Variants in RSRC1 observed in about 807,000 individuals in gnomAD.
RSRC1 encodes arginine and serine rich coiled-coil 1.
A neutral mutation model predicts 49.1 loss-of-function variants in RSRC1; 39 were observed. The observed-to-expected ratio is 0.79, with a 90% CI of 0.61 to 1.04. The LOEUF is 1.04. RSRC1 is among the 50% of genes least tolerant of loss of function. RSRC1 has a pLI of 0.00. For synonymous variants in RSRC1, 143 were observed against 130.8 expected (o/e 1.09, Z -0.63); for missense variants, 388 against 402.4 (o/e 0.96, Z 0.31).
intron 4 of RSRC1, among the ~76,000 whole-genome samples, chr3:158,293,706 CTT>C (rs1727076479): frequency 6.6e-6 from 1 of 151,954 alleles, no homozygotes; most frequent in Non-Finnish European, 1.5e-5. Context: ...TAAATGATGT[CTT>C]TGTGTGGTGA....
chr3:158,525,947 A>G lies in RSRC1; in HGVS notation c.653-11145A>G, dbSNP rs113481199. On this transcript the variant is annotated intron_variant, in intron 7 of 9. Coordinates refer to ENST00000611884, the MANE Select transcript of RSRC1 (RefSeq NM_001271838.2). Reference sequence around the variant, plus strand: ...CTTGGTAACAATGGACATGTTCTATATATTGATTGTTGTAGTGGTAACACA... The same window carrying G: ...CTTGGTAACAATGGACATGTTCTATGTATTGATTGTTGTAGTGGTAACACA... Among the ~76,000 whole-genome samples, 94 of 152,078 alleles carry G rather than the reference A, an allele frequency of 6.2e-4. No individual in the cohort carries two copies. The South Asian group carries it at 0.019, about 30-fold the overall frequency.
intron 3 of RSRC1, among the ~76,000 whole-genome samples, chr3:158,131,785 T>A (rs1716041485): frequency 6.6e-6 from 1 of 152,192 alleles, no homozygotes; most frequent in African/African-American, 2.4e-5. Context: ...AGGGAAGAGA[T>A]CAATTATTGT....
chr3:158,195,742 T>C (rs1350409640), intron 3 of RSRC1, among the ~76,000 whole-genome samples: 3 of 152,212 alleles, frequency 2.0e-5, no homozygotes, highest in Non-Finnish European at 4.4e-5. Context: ...CAGCACCATT[T>C]ATTAAATAGG....
intron 3 of RSRC1, among the ~76,000 whole-genome samples, chr3:158,124,271 CT>C (rs1436460987): frequency 6.6e-6 from 1 of 152,034 alleles, no homozygotes; most frequent in East Asian, 1.9e-4. Context: ...GATTGGGTTT[CT>C]TTTTTTCAGC....
chr3:158,243,805 T>G (rs901415094), intron 4 of RSRC1, among the ~76,000 whole-genome samples: 2 of 152,178 alleles, frequency 1.3e-5, no homozygotes, highest in African/African-American at 4.8e-5. Flanking sequence ...TTGTGACAAT[T>G]GTGAATGGGA....
chr3:158,233,716 C>T (rs1209947846), intron 4 of RSRC1, among the ~76,000 whole-genome samples: 1 of 151,944 alleles, frequency 6.6e-6, no homozygotes, highest in Non-Finnish European at 1.5e-5. Context: ...AAAAGACAAC[C>T]CCTGATCATT....
intron 3 of RSRC1, among the ~76,000 whole-genome samples, chr3:158,145,436 A>C (rs1717025354): frequency 6.6e-6 from 1 of 152,108 alleles, no homozygotes; most frequent in African/African-American, 2.4e-5. Context: ...AAGATCAGAT[A>C]GTTGTAGATA....
intron 3 of RSRC1, among the ~76,000 whole-genome samples, chr3:158,124,670 T>G (rs1443400231): frequency 2.0e-5 from 3 of 152,152 alleles, no homozygotes; most frequent in East Asian, 1.9e-4. Context: ...TTCTAGGAAT[T>G]TATCCACTTT....
intron 5 of RSRC1, among the ~76,000 whole-genome samples, chr3:158,309,226 G>C (rs1405897561): frequency 6.6e-6 from 1 of 151,846 alleles, no homozygotes; most frequent in Non-Finnish European, 1.5e-5. Flanking sequence ...GTAAAATGCT[G>C]TTAGCGCTCT....
intron 6 of RSRC1, among the ~76,000 whole-genome samples, chr3:158,431,121 A>C (rs1213535826): frequency 6.6e-6 from 1 of 151,928 alleles, no homozygotes; most frequent in Non-Finnish European, 1.5e-5. Context: ...CAGTTTGGGA[A>C]ATACTGGTAC....
At chr3:158,423,903 G>A (rs1454213675) in intron 6 of RSRC1, among the ~76,000 whole-genome samples, 1 of 150,908 alleles carries the variant, frequency 6.6e-6, no homozygotes, top group East Asian at 1.9e-4. Context: ...GAATGCTTGT[G>A]ATTTTTGTAC....
intron 4 of RSRC1, among the ~76,000 whole-genome samples, chr3:158,227,957 A>G (rs998998702): frequency 1.3e-5 from 2 of 152,086 alleles, no homozygotes; most frequent in African/African-American, 2.4e-5. Context: ...ACCCTGTTGT[A>G]TAGAATAGTG....
intron 7 of RSRC1, among the ~76,000 whole-genome samples, chr3:158,536,477 C>T (rs1031208287): frequency 6.6e-6 from 1 of 151,216 alleles, no homozygotes; most frequent in African/African-American, 2.4e-5. Flanking sequence ...TATAAAAAGA[C>T]TTTTTTACAA....
chr3:158,359,542 C>T (rs573612985), intron 6 of RSRC1, among the ~76,000 whole-genome samples: 13 of 152,254 alleles, frequency 8.5e-5, no homozygotes, highest in African/African-American at 2.4e-4. Flanking sequence ...CTCTGAGAGG[C>T]TGCAGCTGGT....
At chr3:158,414,103 A>G (rs889826603) in intron 6 of RSRC1, among the ~76,000 whole-genome samples, 3 of 152,246 alleles carry the variant, frequency 2.0e-5, no homozygotes, top group African/African-American at 7.2e-5. Flanking sequence ...ATGCACATGT[A>G]TGTTCATGGC....
chr3:158,246,881 G>C (rs753302412), intron 4 of RSRC1, among the ~76,000 whole-genome samples: 6 of 152,000 alleles, frequency 3.9e-5, no homozygotes, highest in Non-Finnish European at 8.8e-5. Context: ...TCATGGAGAA[G>C]TTCTGTGGGG....
At chr3:158,241,923 A>G (rs769055228) in intron 4 of RSRC1, among the ~76,000 whole-genome samples, 51 of 151,676 alleles carry the variant, frequency 3.4e-4, no homozygotes, top group Non-Finnish European at 5.4e-4. Context: ...AAAATATACA[A>G]TTTAGTGAAT....
At chr3:158,381,089 A>G (rs765564365) in intron 6 of RSRC1, among the ~76,000 whole-genome samples, 15 of 152,238 alleles carry the variant, frequency 9.9e-5, no homozygotes, top group Non-Finnish European at 2.1e-4. Context: ...ATATGTAGAT[A>G]CTAGTCTATG....
At chr3:158,344,901 A>G (rs923475868) in intron 5 of RSRC1, among the ~76,000 whole-genome samples, 7 of 152,250 alleles carry the variant, frequency 4.6e-5, no homozygotes, top group Middle Eastern at 3.4e-3. Flanking sequence ...TAAGCCAACA[A>G]GGAATATAAA....
Sources: gnomAD v4.1 joint callset for allele counts (sites outside exome capture counted in the v4.1 genomes callset) on GRCh38, gnomAD v4.1.1 for gene constraint, MANE v1.5 for transcripts, NCBI Gene and HGNC (gene_info 2026-07-23, HGNC 2026-07-21) for gene names.